The following ZNF248 variants were observed in gnomAD, a reference collection of about 807,000 sequenced individuals.
ZNF248 encodes the protein KRAB protein domain.
Under a neutral mutation model 44.3 loss-of-function variants are expected in ZNF248, and 20 were observed. That is an observed-to-expected ratio of 0.45 (90% CI 0.32 to 0.66). The LOEUF (loss-of-function observed/expected upper bound fraction) is 0.66. ZNF248 is among the 30% of genes least tolerant of loss of function. The probability of loss-of-function intolerance (pLI) is 0.04; values close to 1 mark genes in which losing one functional copy is unlikely to be tolerated. For missense variants in ZNF248, 654 were observed against 677.0 expected, an observed-to-expected ratio of 0.97 and a Z score of 0.38; for synonymous variants, 224 against 229.0, an observed-to-expected ratio of 0.98 and a Z score of 0.20.
intron 6 of ZNF248, among the ~76,000 whole-genome samples, chr10:37,806,978 C>A (rs2050660604): frequency 7.5e-6 from 1 of 133,068 alleles, no homozygotes; most frequent in South Asian, 2.2e-4. Context: ...CCCAGTTTTC[C>A]CAGCATTTTT....
intron 6 of ZNF248, chr10:37,818,467 G>A (rs150240189): frequency 2.1e-4 from 42 of 201,652 alleles, no homozygotes; most frequent in African/African-American, 6.8e-4. Context: ...CTCAGTGGAT[G>A]GGAAAAAAGC....
At chr10:37,765,949 CAGG>C in the ZNF248 span, among the ~76,000 whole-genome samples, 1 of 152,228 alleles carries the variant, frequency 6.6e-6, no homozygotes, top group African/African-American at 2.4e-5. Flanking sequence ...AACGGCACAC[CAGG>C]AGATTATATC....
chr10:37,846,533 T>C (rs1478415471), intron 3 of ZNF248, among the ~76,000 whole-genome samples: 1 of 152,008 alleles, frequency 6.6e-6, no homozygotes, highest in African/African-American at 2.4e-5. Flanking sequence ...GTAGTTCCAA[T>C]TACTCAGTAG....
At position 37,851,986 on chromosome 10, in the gene ZNF248, G is replaced by A. The variant is rs1030242098; in HGVS notation, c.15+4310C>T. On this transcript the variant is annotated intron_variant, in intron 3 of 5. Transcript: ENST00000395867. ...TATCCAGCCGGGCGCGGTGGCTCAC[G>A]TCTGTATTCCCAGCACTCTGGGAGG... 1.8e-4 allele frequency among the ~76,000 whole-genome samples: 27 copies of A among 152,086 alleles called. 1 individual carries two copies. Among genetic ancestry groups the A allele is most frequent in the African/African-American group, 5.8e-4 (24 of 41,412 alleles).
intron 6 of ZNF248, among the ~76,000 whole-genome samples, chr10:37,788,360 C>T (rs1038900065): frequency 2.0e-5 from 3 of 147,122 alleles, no homozygotes; most frequent in African/African-American, 5.0e-5. Flanking sequence ...GTGGCTCACA[C>T]CTGTAATCCC....
chr10:37,828,887 T>A lies in ZNF248; in HGVS notation c.*2728A>T. The A allele has an allele frequency of 1.0e-6, 1 of 985,402 alleles. No individual in the cohort carries two copies. The highest frequency in any genetic ancestry group is 1.7e-5 in the African/African-American group (1 of 57,360). The allele number at this position is 985,402 out of a possible 1,614,324, so 61.0% of individuals were successfully genotyped here. On this transcript the variant is annotated 3_prime_UTR_variant, in exon 6 of 6. Transcript: ENST00000395867. ...TAATATAATGTCTGCTTCACACATG[T>A]TGAAGGAGAGACATACCTGTGTAGT... is the stretch of plus-strand genomic sequence containing the variant.
intron 3 of ZNF248, among the ~76,000 whole-genome samples, chr10:37,855,560 T>G (rs1022885772): frequency 6.6e-6 from 1 of 151,980 alleles, no homozygotes; most frequent in Non-Finnish European, 1.5e-5. Flanking sequence ...TCATGAGGAC[T>G]AGGGAGGGAA....
downstream of ZNF248, among the ~76,000 whole-genome samples, chr10:37,826,310 A>C (rs1416968948): frequency 6.6e-6 from 1 of 152,220 alleles, no homozygotes; most frequent in Admixed American, 6.5e-5. Context: ...CATATAAATA[A>C]GTGGAAAAAC....
At chr10:37,761,045 C>A in the ZNF248 span, among the ~76,000 whole-genome samples, 10 of 152,274 alleles carry the variant, frequency 6.6e-5, no homozygotes, top group African/African-American at 2.2e-4. Context: ...CTGGATTGTG[C>A]AACATCCCAA....
In ZNF248 at chr10:37,785,616, T is replaced by C. The variant is rs561274027; in HGVS notation, c.331-9041A>G. On this transcript the variant is annotated intron_variant, in intron 6 of 6. Transcript: ENST00000615949. ...CCAAGAATGAACACTCCATGGAGTATTCCCTGTGACAGAGTATCAGAGGAA... is the reference window on the plus strand; with the variant it reads ...CCAAGAATGAACACTCCATGGAGTACTCCCTGTGACAGAGTATCAGAGGAA... 2.0e-5 allele frequency among the ~76,000 whole-genome samples: 3 copies of C among 152,306 alleles called. No homozygotes were observed. The South Asian group carries it at 6.2e-4, about 32-fold the overall frequency.
At chr10:37,802,732 T>G (rs2049981289) in intron 6 of ZNF248, 1 of 151,828 alleles carries the variant, frequency 6.6e-6, no homozygotes, top group Non-Finnish European at 1.5e-5. Context: ...TTTAGTTGTT[T>G]ATTTTAACTC....
chr10:37,788,898 G>T (rs1416110173), intron 6 of ZNF248, among the ~76,000 whole-genome samples: 1 of 151,226 alleles, frequency 6.6e-6, no homozygotes, highest in African/African-American at 2.4e-5. Context: ...TTGAGACAGG[G>T]TCTCACTTTG....
chr10:37,790,036 C>T (rs897175558), intron 6 of ZNF248, among the ~76,000 whole-genome samples: 7 of 149,092 alleles, frequency 4.7e-5, no homozygotes, highest in Non-Finnish European at 5.9e-5. Context: ...CTGAGGTGGG[C>T]GGATCACAAG....
intron 6 of ZNF248, among the ~76,000 whole-genome samples, chr10:37,812,129 C>T (rs369541208): frequency 1.5e-4 from 23 of 151,812 alleles, no homozygotes; most frequent in East Asian, 7.8e-4. Flanking sequence ...CCCAGCTACT[C>T]GGGAGGCTGG....
At chr10:37,784,375 G>C (rs942663776) in intron 6 of ZNF248, among the ~76,000 whole-genome samples, 1 of 152,116 alleles carries the variant, frequency 6.6e-6, no homozygotes, top group Non-Finnish European at 1.5e-5. Flanking sequence ...CTTATTAGGC[G>C]CCAGAGCCTT....
At chr10:37,850,586 AG>A (rs1410339037) in intron 3 of ZNF248, among the ~76,000 whole-genome samples, 1 of 152,234 alleles carries the variant, frequency 6.6e-6, no homozygotes, top group Non-Finnish European at 1.5e-5. Flanking sequence ...GTATTAGCAG[AG>A]GCACAGACAC....
At chr10:37,815,370 T>A (rs1589376216) in intron 6 of ZNF248, among the ~76,000 whole-genome samples, 1 of 150,984 alleles carries the variant, frequency 6.6e-6, no homozygotes, top group African/African-American at 2.4e-5. Flanking sequence ...AGCTTCAGTC[T>A]TTTTTCTTTC....
the ZNF248 span, among the ~76,000 whole-genome samples, chr10:37,758,782 ATTC>A: frequency 2.6e-5 from 4 of 152,206 alleles, no homozygotes; most frequent in Non-Finnish European, 5.9e-5. Context: ...TACTAGATTC[ATTC>A]TTACTTGATA....
At chr10:37,785,418 G>T (rs1237754863) in intron 6 of ZNF248, among the ~76,000 whole-genome samples, 1 of 152,178 alleles carries the variant, frequency 6.6e-6, no homozygotes, top group East Asian at 1.9e-4. Flanking sequence ...AAAACAGGCA[G>T]GGAAACAACA....
Sources: gnomAD v4.1 joint callset for allele counts (sites outside exome capture counted in the v4.1 genomes callset) on GRCh38, gnomAD v4.1.1 for gene constraint, MANE v1.5 for transcripts, NCBI Gene and HGNC (gene_info 2026-07-23, HGNC 2026-07-21) for gene names.